TRHDE: variants seen among roughly 807,000 people sequenced by gnomAD.
The protein encoded by TRHDE is thyrotropin-releasing hormone-degrading ectoenzyme.
In TRHDE, 72 loss-of-function variants were observed where a neutral mutation model predicts 125.7. The ratio of observed to expected loss-of-function variants is 0.57; its 90% CI spans 0.47 to 0.70. TRHDE has a LOEUF of 0.70. TRHDE is among the 30% of genes least tolerant of loss of function. TRHDE has a pLI of 0.00. For synonymous variants in TRHDE, 509 were observed against 509.1 expected (o/e 1.00, Z 0.00); for missense variants, 1,110 against 1,327.1 (o/e 0.84, Z 2.54).
At chr12:72,227,882 C>A (rs1878166345) in intron 2 of TRHDE, among the ~76,000 whole-genome samples, 2 of 152,178 alleles carry the variant, frequency 1.3e-5, no homozygotes, top group African/African-American at 4.8e-5. Flanking sequence ...CCAAAATGAT[C>A]TTCTTTGGCT....
chr12:72,100,017 GT>G (rs1188643293), intron 1 of TRHDE, among the ~76,000 whole-genome samples: 7 of 151,832 alleles, frequency 4.6e-5, no homozygotes, highest in South Asian at 4.2e-4. Flanking sequence ...CCTTTACAAT[GT>G]TTTTTTTCTC....
intron 9 of TRHDE, among the ~76,000 whole-genome samples, chr12:72,564,753 C>T (rs1422349979): frequency 1.4e-5 from 2 of 141,020 alleles, no homozygotes; most frequent in Admixed American, 7.7e-5. Context: ...CTGCAAGCTC[C>T]GCCTCCCAGG....
At chr12:72,474,265 T>C (rs999070680) in intron 5 of TRHDE, among the ~76,000 whole-genome samples, 1 of 152,142 alleles carries the variant, frequency 6.6e-6, no homozygotes, top group Non-Finnish European at 1.5e-5. Flanking sequence ...TCTTTACTTA[T>C]TGTTATTTGG....
At chr12:72,636,763 A>G (rs997234222) in intron 15 of TRHDE, among the ~76,000 whole-genome samples, 6 of 152,212 alleles carry the variant, frequency 3.9e-5, no homozygotes, top group Non-Finnish European at 8.8e-5. Context: ...TGAGACAATC[A>G]TGTGGTTTTT....
At chr12:72,386,869 C>T (rs2135786435) in intron 3 of TRHDE, among the ~76,000 whole-genome samples, 1 of 152,116 alleles carries the variant, frequency 6.6e-6, no homozygotes, top group East Asian at 1.9e-4. Context: ...TTCAGGGCAA[C>T]ACTTTTTTTC....
At chr12:72,152,013 T>C (rs1034806720) in intron 2 of TRHDE, among the ~76,000 whole-genome samples, 25 of 151,828 alleles carry the variant, frequency 1.6e-4, no homozygotes, top group African/African-American at 5.8e-4. Flanking sequence ...CAATATTGAT[T>C]CTTCCTACCC....
intron 2 of TRHDE, among the ~76,000 whole-genome samples, chr12:72,376,276 A>G (rs1871877652): frequency 6.6e-6 from 1 of 152,166 alleles, no homozygotes; most frequent in East Asian, 1.9e-4. Context: ...TGCTTCCCCC[A>G]TTCTCCTGTA....
chr12:72,483,292 G>A (rs1258879152), intron 5 of TRHDE, among the ~76,000 whole-genome samples: 1 of 151,912 alleles, frequency 6.6e-6, no homozygotes, highest in Non-Finnish European at 1.5e-5. Flanking sequence ...TAGCCAGAAT[G>A]AAGTTCAATT....
intron 2 of TRHDE, among the ~76,000 whole-genome samples, chr12:72,366,838 T>G (rs906022445): frequency 6.6e-5 from 10 of 151,984 alleles, no homozygotes; most frequent in Non-Finnish European, 1.3e-4. Flanking sequence ...ATGATAATAC[T>G]TGGATTTGCC....
intron 3 of TRHDE, among the ~76,000 whole-genome samples, chr12:72,382,126 G>A (rs1247137692): frequency 6.6e-6 from 1 of 152,184 alleles, no homozygotes; most frequent in African/African-American, 2.4e-5. Flanking sequence ...TTGATATTAA[G>A]GGAACCAGGT....
chr12:72,408,334 C>G (rs894977691), intron 3 of TRHDE, among the ~76,000 whole-genome samples: 2 of 152,194 alleles, frequency 1.3e-5, no homozygotes, highest in African/African-American at 4.8e-5. Flanking sequence ...ATAGCCACAA[C>G]CTGGCTTTTG....
chr12:72,452,008 T>C (rs372567275), intron 3 of TRHDE, among the ~76,000 whole-genome samples: 94 of 152,220 alleles, frequency 6.2e-4, no homozygotes, highest in African/African-American at 2.2e-3. Context: ...TTTGTATTTT[T>C]AGTAGAGACA....
At chr12:72,552,542 G>A (rs1035647878) in intron 7 of TRHDE, among the ~76,000 whole-genome samples, 2 of 152,154 alleles carry the variant, frequency 1.3e-5, no homozygotes, top group Non-Finnish European at 2.9e-5. Flanking sequence ...TAGAGAGGCA[G>A]GCAGAGTACC....
At chr12:72,302,821 A>T (rs1868282470) in intron 2 of TRHDE, among the ~76,000 whole-genome samples, 1 of 152,166 alleles carries the variant, frequency 6.6e-6, no homozygotes, top group African/African-American at 2.4e-5. Flanking sequence ...CACCCTTTGG[A>T]ACAGGGTTTC....
intron 12 of TRHDE, among the ~76,000 whole-genome samples, chr12:72,599,592 T>G (rs1449417997): frequency 6.6e-6 from 1 of 152,154 alleles, no homozygotes; most frequent in Non-Finnish European, 1.5e-5. Context: ...ACTATTTAAG[T>G]TTCGGATAGA....
At chr12:72,284,395 T>G (rs1879805333) in intron 1 of TRHDE, among the ~76,000 whole-genome samples, 2 of 152,106 alleles carry the variant, frequency 1.3e-5, no homozygotes, top group Non-Finnish European at 2.9e-5. Flanking sequence ...AATATTAAGC[T>G]TGGTGGACAT....
rs1281804154 is a variant in TRHDE at position 72,612,402 on chromosome 12, A to G, written c.2322-6489A>G. On this transcript the variant is annotated intron_variant, in intron 12 of 18. Transcript: ENST00000261180. The stretch of plus-strand genomic sequence containing the variant: ...ATTCCATGAAAGTCACGTGCAAGCC[A>G]GATGTGAATGGAAGGAAGGAAGAAA... Among the ~76,000 whole-genome samples the G allele has an allele frequency of 2.0e-5, 3 of 152,298 alleles. No homozygotes were observed. In the East Asian group the frequency reaches 5.8e-4, roughly 29 times the overall value.
rs1305919251 is a variant in TRHDE at position 72,637,970 on chromosome 12, T to C, written c.2676-14352T>C. Among the ~76,000 whole-genome samples the C allele has an allele frequency of 5.3e-5, 8 of 151,990 alleles. 1 individual carries two copies. The highest frequency in any genetic ancestry group is 1.2e-4 in the Non-Finnish European group (8 of 67,994). On this transcript the variant is annotated intron_variant, in intron 15 of 18. Coordinates refer to ENST00000261180, the MANE Select transcript of TRHDE (RefSeq NM_013381.3). Reference sequence around the variant, plus strand: ...AGGTGTGGTGTGGTGCTGAAAAAAATGTATATTCTGTCGATTTGGGGTGGA... The same window carrying C: ...AGGTGTGGTGTGGTGCTGAAAAAAACGTATATTCTGTCGATTTGGGGTGGA...
At chr12:72,425,752 AAATTAACT>A (rs1233041708) in intron 3 of TRHDE, among the ~76,000 whole-genome samples, 6 of 151,996 alleles carry the variant, frequency 3.9e-5, no homozygotes, top group African/African-American at 1.5e-4. Context: ...TTATTGGTGG[AAATTAACT>A]AATTAACTAG....
Sources: allele counts gnomAD v4.1 joint callset (sites outside exome capture counted in the v4.1 genomes callset), GRCh38; gene constraint gnomAD v4.1.1; transcripts MANE v1.5; gene names NCBI Gene and HGNC (gene_info 2026-07-23, HGNC 2026-07-21).